The following RNF170 variants were observed in gnomAD, a reference collection of about 807,000 sequenced individuals.
RNF170 encodes the protein E3 ubiquitin-protein ligase RNF170.
In RNF170, 12 loss-of-function variants were observed where a neutral mutation model predicts 32.7. That is an observed-to-expected ratio of 0.37 (90% CI 0.24 to 0.60). The LOEUF is 0.60. RNF170 is among the 20% of genes least tolerant of loss of function. The pLI is 0.72. For synonymous variants in RNF170, 91 were observed against 103.6 expected (o/e 0.88, Z 0.74); for missense variants, 212 against 311.2 (o/e 0.68, Z 2.40).
At position 42,866,173 on chromosome 8, in the gene RNF170, A is replaced by G. The variant is rs564909154; in HGVS notation, c.323-684T>C. On this transcript the variant is annotated intron_variant, in intron 4 of 6. Transcript: ENST00000527424. ...GCATAAATTTTCTGTTCTAAATTTGATATGTTACAAAACACAACTTTTAGA... is the reference window on the plus strand; with the variant it reads ...GCATAAATTTTCTGTTCTAAATTTGGTATGTTACAAAACACAACTTTTAGA... Among the ~76,000 whole-genome samples the G allele has an allele frequency of 2.2e-3, 333 of 152,334 alleles. 1 individual carries two copies. The highest frequency in any genetic ancestry group is 0.01 in the Middle Eastern group (3 of 294).
At chr8:42,853,202 A>G (rs1355556798), downstream of RNF170, 1 of 373,722 alleles carries the variant, frequency 2.7e-6, no homozygotes, top group Non-Finnish European at 4.5e-6. Flanking sequence ...TTGGATGTCC[A>G]TTAGTGATAA....
At chr8:42,883,280 C>A (rs190126274) in intron 2 of RNF170, among the ~76,000 whole-genome samples, 7 of 152,030 alleles carry the variant, frequency 4.6e-5, no homozygotes, top group African/African-American at 1.4e-4. Context: ...TGCACACACA[C>A]CCCCAAAATC....
chr8:42,873,771 G>A (rs1037724182), intron 3 of RNF170, among the ~76,000 whole-genome samples, 160 bp downstream of exon 3: 5 of 152,122 alleles, frequency 3.3e-5, no homozygotes, highest in African/African-American at 9.7e-5. Flanking sequence ...TAGGCAATTT[G>A]CCCATTCTTG....
chr8:42,889,400 A>C (rs1186577874), intron 1 of RNF170: 1 of 152,208 alleles, frequency 6.6e-6, no homozygotes, highest in African/African-American at 2.4e-5. Context: ...GAAGTGTCAA[A>C]GTCTTATAAG....
At chr8:42,879,362 CT>C (rs922497289) in intron 2 of RNF170, among the ~76,000 whole-genome samples, 3 of 151,980 alleles carry the variant, frequency 2.0e-5, no homozygotes, top group African/African-American at 4.8e-5. Context: ...TCAGAACATT[CT>C]TTTTTTTGGC....
chr8:42,867,199 C>CAG (rs760225035), intron 4 of RNF170, among the ~76,000 whole-genome samples: 4 of 152,202 alleles, frequency 2.6e-5, no homozygotes, highest in Non-Finnish European at 5.9e-5. Context: ...GGGCCTGGCA[C>CAG]AGTGGCTCAC....
chr8:42,889,955 A>G (rs1289062500), intron 1 of RNF170, among the ~76,000 whole-genome samples: 1 of 152,206 alleles, frequency 6.6e-6, no homozygotes, highest in Non-Finnish European at 1.5e-5. Flanking sequence ...CCCAAATGTT[A>G]TCCCCTGTGT....
chr8:42,857,505 T>A (rs1221441647), intron 6 of RNF170, among the ~76,000 whole-genome samples: 1 of 152,220 alleles, frequency 6.6e-6, no homozygotes, highest in East Asian at 1.9e-4. Flanking sequence ...TGTAATACAG[T>A]ATCATCATTT....
downstream of RNF170, chr8:42,850,932 G>C: frequency 1.3e-6 from 2 of 1,551,678 alleles, no homozygotes; most frequent in Non-Finnish European, 8.7e-7. Context: ...AGTTCTGTGT[G>C]TCCAGGCATG....
intron 6 of RNF170, chr8:42,861,477 A>G (rs537653182): frequency 2.7e-6 from 1 of 375,992 alleles, no homozygotes; most frequent in South Asian, 2.6e-5. Flanking sequence ...AGAAGCAGGG[A>G]CTACAGGCAT....
chr8:42,850,548 G>T, downstream of RNF170: 1 of 553,694 alleles, frequency 1.8e-6, no homozygotes. Flanking sequence ...CTACTGTGGT[G>T]GCAGGCATAA....
chr8:42,857,350 T>C (rs1586477475), intron 6 of RNF170, among the ~76,000 whole-genome samples: 1 of 152,246 alleles, frequency 6.6e-6, no homozygotes. Flanking sequence ...TCACTTCCTA[T>C]GTTCTGTGGA....
Position 42,855,629 on chromosome 8 carries a change from A to G in RNF170, c.*530T>C. The stretch of plus-strand genomic sequence containing the variant: ...TTCAGCTGATAGCAAATAATTAATT[A>G]TACCAGAATGAAAAGGCAGAACTGC... On this transcript the variant is annotated 3_prime_UTR_variant, in exon 7 of 7. Coordinates refer to ENST00000527424, the MANE Select transcript of RNF170 (RefSeq NM_030954.4). The G allele has an allele frequency of 7.8e-7, 1 of 1,283,358 alleles. No homozygotes were observed. The highest frequency in any genetic ancestry group is 1.0e-6 in the Non-Finnish European group (1 of 984,990). The allele number at this position is 1,283,358 out of a possible 1,614,324, so 79.5% of individuals were successfully genotyped here.
At chr8:42,893,247 C>A (rs1460007478) in intron 1 of RNF170, among the ~76,000 whole-genome samples, 1 of 152,128 alleles carries the variant, frequency 6.6e-6, no homozygotes, top group Non-Finnish European at 1.5e-5. Context: ...GGGATGTAAT[C>A]TATTTCATGG....
intron 2 of RNF170, among the ~76,000 whole-genome samples, chr8:42,875,749 G>C (rs1043968762): frequency 8.5e-5 from 13 of 152,078 alleles, no homozygotes; most frequent in African/African-American, 3.1e-4. Flanking sequence ...GCTAATTTTT[G>C]TATTTTTAGT....
At chr8:42,893,066 A>G (rs1185011735) in intron 1 of RNF170, among the ~76,000 whole-genome samples, 3 of 152,168 alleles carry the variant, frequency 2.0e-5, no homozygotes, top group African/African-American at 7.2e-5. Flanking sequence ...AATATGTACA[A>G]CTATTATACA....
chr8:42,870,262 A>G, intron 3 of RNF170, 150 bp from the exon 4 acceptor site: 2 of 701,460 alleles, frequency 2.9e-6, no homozygotes, highest in Admixed American at 4.0e-5. Context: ...AATTTTAAGA[A>G]TGTTATGAGG....
downstream of RNF170, among the ~76,000 whole-genome samples, chr8:42,851,770 T>C (rs1586464991): frequency 1.3e-5 from 2 of 151,954 alleles, no homozygotes; most frequent in Middle Eastern, 3.4e-3. Context: ...CTGGAGTAGC[T>C]AGGACCACAG....
chr8:42,887,542 A>T (rs1474444771), intron 2 of RNF170, among the ~76,000 whole-genome samples, 186 bp downstream of exon 2: 1 of 152,240 alleles, frequency 6.6e-6, no homozygotes, highest in Non-Finnish European at 1.5e-5. Context: ...TTATTTGGTA[A>T]GACAGCTGAT....
Sources: allele counts gnomAD v4.1 joint callset (sites outside exome capture counted in the v4.1 genomes callset), GRCh38; gene constraint gnomAD v4.1.1; transcripts MANE v1.5; gene names NCBI Gene and HGNC (gene_info 2026-07-23, HGNC 2026-07-21).